The following ASAP3 variants were observed in gnomAD, a reference collection of about 807,000 sequenced individuals.
ASAP3 encodes arf-GAP with SH3 domain, ANK repeat and PH domain-containing protein 3.
Under a neutral mutation model 118.2 loss-of-function variants are expected in ASAP3, and 85 were observed. The observed-to-expected ratio is 0.72, with a 90% CI of 0.60 to 0.86. The LOEUF is 0.86. ASAP3 is among the 40% of genes least tolerant of loss of function. The probability of loss-of-function intolerance (pLI) is 0.00; values close to 1 mark genes in which losing one functional copy is unlikely to be tolerated. For synonymous variants in ASAP3, 432 were observed against 477.4 expected (o/e 0.90, Z 1.24); for missense variants, 1,026 against 1,175.0 (o/e 0.87, Z 1.85).
Position 23,442,192 on chromosome 1 carries a change from T to C in ASAP3, c.665A>G (p.Gln222Arg), listed in dbSNP as rs867873164. Reference protein sequence around the residue: ...LQSLIKFFHAQHNFFQDGWKA... With the variant: ...LQSLIKFFHARHNFFQDGWKA... ...GACGCGGGAAGATACCTACTTGTGC[T>C]GGGCGTGGAAGAACTTGATGAGGCT... The change falls in exon 7 of 25, where the codon CAG (glutamine) becomes CGG (arginine). Residue 222 changes from glutamine (Q) to arginine (R), a missense_variant. Coordinates refer to ENST00000336689, the MANE Select transcript of ASAP3 (RefSeq NM_017707.4). 3.8e-6 allele frequency: 6 copies of C among 1,599,838 alleles called. No homozygotes were observed. The highest frequency in any genetic ancestry group is 5.1e-6 in the Non-Finnish European group (6 of 1,174,128).
At position 23,484,049 on chromosome 1, in the gene ASAP3, C is replaced by T; in HGVS notation, c.85G>A (p.Ala29Thr). ...GCCCCTCGGTACCGGGGCATCTTGG[C>T]GGCGAAGGCGGCGGCCCCAGCCGGG... ...SSPAGAAAFAAKMPRYRGAAL... is the reference protein window; with the variant it reads ...SSPAGAAAFATKMPRYRGAAL... The change falls in exon 1 of 25, where the codon GCC (alanine) becomes ACC (threonine). Residue 29 changes from alanine to threonine, a missense_variant. Physicochemically the swap from Ala to Thr is moderately conservative, Grantham distance 58. Coordinates refer to ENST00000336689, the MANE Select transcript of ASAP3 (RefSeq NM_017707.4). 7.4e-7 allele frequency: 1 copy of T among 1,345,288 alleles called. No homozygotes were observed. Among genetic ancestry groups the T allele is most frequent in the South Asian group, 1.9e-5 (1 of 53,578 alleles). 83.3% of individuals were successfully genotyped at this position (1,345,288 alleles called of 1,614,324 possible).
At chr1:23,446,659 A>T (rs1301190820) in intron 5 of ASAP3, among the ~76,000 whole-genome samples, 1 of 152,082 alleles carries the variant, frequency 6.6e-6, no homozygotes, top group African/African-American at 2.4e-5. Context: ...GCTGGTCTCG[A>T]ACTCCTGACC....
chr1:23,466,050 G>A (rs542411179), intron 1 of ASAP3, among the ~76,000 whole-genome samples: 3 of 152,300 alleles, frequency 2.0e-5, no homozygotes, highest in Admixed American at 2.0e-4. Flanking sequence ...GCAATGGTGA[G>A]GCCCCGAATA....
At chr1:23,469,293 G>A (rs144901544) in intron 1 of ASAP3, among the ~76,000 whole-genome samples, 1,901 of 152,224 alleles carry the variant, frequency 0.012, 39 homozygotes, top group African/African-American at 0.042. Context: ...GCAACAGAGC[G>A]AGACCCTATC....
At chr1:23,455,740 G>A in intron 3 of ASAP3, 141 bp downstream of exon 3, 1 of 1,049,174 alleles carries the variant, frequency 9.5e-7, no homozygotes, top group South Asian at 1.5e-5. Flanking sequence ...GGTCAGGGCT[G>A]GAAAGGGACC....
At position 23,455,908 on chromosome 1, in the gene ASAP3, G is replaced by A. The variant is rs371567363; in HGVS notation, c.321C>T (p.Arg107=). ...TGFLNLAVFT[R]EVAALFKNLI... ...GGTTCTTGAAGAGCGCAGCAACCTC[G>A]CGGGTGAACACGGCCAAGTTTAGGA... is the stretch of plus-strand genomic sequence containing the variant. Residue 107 remains arginine, a synonymous_variant, in exon 3 of 25, where the codon CGC becomes CGT. Coordinates refer to ENST00000336689, the MANE Select transcript of ASAP3 (RefSeq NM_017707.4). 1.7e-5 allele frequency: 28 copies of A among 1,614,034 alleles called. No individual in the cohort carries two copies. The highest frequency in any genetic ancestry group is 1.5e-5 in the Non-Finnish European group (18 of 1,180,036).
intron 1 of ASAP3, among the ~76,000 whole-genome samples, chr1:23,462,413 C>A (rs1241847790): frequency 6.6e-6 from 1 of 152,026 alleles, no homozygotes; most frequent in Non-Finnish European, 1.5e-5. Context: ...CTCTTGGCAG[C>A]CAAGTTCACA....
intron 1 of ASAP3, among the ~76,000 whole-genome samples, chr1:23,480,641 A>C (rs773670761): frequency 6.6e-6 from 1 of 152,178 alleles, no homozygotes; most frequent in Non-Finnish European, 1.5e-5. Context: ...CAGCAAATCA[A>C]AGTAGCATCT....
intron 1 of ASAP3, among the ~76,000 whole-genome samples, chr1:23,456,802 G>A (rs190627465): frequency 2.0e-5 from 3 of 152,300 alleles, no homozygotes; most frequent in Admixed American, 2.0e-4. Context: ...TGAGCAGAGA[G>A]GGGTTGGAGG....
At position 23,433,765 on chromosome 1, in the gene ASAP3, C is replaced by T. The variant is rs1640534139; in HGVS notation, c.1952-72G>A. 6 of 1,592,138 alleles carry T rather than the reference C, an allele frequency of 3.8e-6. No individual in the cohort carries two copies. The South Asian group carries it at 6.7e-5, about 18-fold the overall frequency. ...TTACAGCTTAGAGATTAAGACGGGC[C>T]TCTGGAATCAGAATGTATGGGTTTG... is the stretch of plus-strand genomic sequence containing the variant. On this transcript the variant is annotated intron_variant, in intron 19 of 24. Coordinates refer to ENST00000336689, the MANE Select transcript of ASAP3 (RefSeq NM_017707.4).
Position 23,441,211 on chromosome 1 carries a change from C to G in ASAP3, c.835G>C (p.Glu279Gln). The G allele has an allele frequency of 6.2e-7, 1 of 1,614,184 alleles. No individual in the cohort carries two copies. The highest frequency in any genetic ancestry group is 2.2e-5 in the East Asian group (1 of 44,868). ...RGTLQLESRE[E>Q]HLSRKNSGCG... The stretch of plus-strand genomic sequence containing the variant: ...CCTGAGTTCTTCCGGCTCAGGTGTT[C>G]CTGTCCCTCGGACATGCAAAGGAGA... The change falls in exon 10 of 25, where the codon GAA becomes CAA. Residue 279 changes from glutamate (E) to glutamine (Q), a missense_variant and splice_region_variant. Transcript: ENST00000336689.
rs570569021 is a variant in ASAP3, at chr1:23,482,339, T to A, written c.129+1666A>T. Among the ~76,000 whole-genome samples the A allele has an allele frequency of 3.3e-3, 501 of 152,254 alleles. 5 individuals carry two copies. Among genetic ancestry groups the A allele is most frequent in the Non-Finnish European group, 5.6e-3 (380 of 68,000 alleles). On this transcript the variant is annotated intron_variant, in intron 1 of 24. Coordinates refer to ENST00000336689, the MANE Select transcript of ASAP3 (RefSeq NM_017707.4). ...GAGTTCAAGAACAGCCTGACCAACA[T>A]GGTGAAACCCTGTCTCTACTAAAAA... is the stretch of plus-strand genomic sequence containing the variant.
At chr1:23,483,966 G>A (rs1642400560) in intron 1 of ASAP3, 39 bp downstream of exon 1, 3 of 1,251,072 alleles carry the variant, frequency 2.4e-6, no homozygotes, top group Non-Finnish European at 3.0e-6. Flanking sequence ...GGCCAGGCCC[G>A]GCGCCGACCC....
intron 1 of ASAP3, among the ~76,000 whole-genome samples, chr1:23,465,485 CTTTT>C (rs1029077277): frequency 3.3e-5 from 5 of 152,014 alleles, no homozygotes; most frequent in African/African-American, 7.2e-5. Flanking sequence ...AGAGCTGTAA[CTTTT>C]TTTCTTTTTT....
intron 3 of ASAP3, 33 bp from the exon 4 acceptor site, chr1:23,452,804 A>G: frequency 6.2e-7 from 1 of 1,605,932 alleles, no homozygotes; most frequent in African/African-American, 1.3e-5. Context: ...TTCCCGCCTC[A>G]GGTGACCGGC....
At chr1:23,483,865 G>T in intron 1 of ASAP3, 140 bp downstream of exon 1, 1 of 951,170 alleles carries the variant, frequency 1.1e-6, no homozygotes, top group Non-Finnish European at 1.4e-6. Flanking sequence ...TTGGAGATGC[G>T]CTCGGTCCTC....
chr1:23,447,342 CTGTTT>C (rs1641079418), intron 5 of ASAP3, among the ~76,000 whole-genome samples: 1 of 152,164 alleles, frequency 6.6e-6, no homozygotes, highest in African/African-American at 2.4e-5. Context: ...CTACTATGTT[CTGTTT>C]TATTACTATT....
At chr1:23,478,142 C>T (rs1642192204) in intron 1 of ASAP3, among the ~76,000 whole-genome samples, 1 of 152,232 alleles carries the variant, frequency 6.6e-6, no homozygotes, top group African/African-American at 2.4e-5. Flanking sequence ...TCTTGCTGCA[C>T]CCCCTTAGCA....
chr1:23,439,862 T>G (rs1309010885), intron 10 of ASAP3, among the ~76,000 whole-genome samples: 1 of 152,208 alleles, frequency 6.6e-6, no homozygotes, highest in Non-Finnish European at 1.5e-5. Flanking sequence ...TCACCCAGGC[T>G]GGAATACAGT....
Sources: gnomAD v4.1 joint callset for allele counts (sites outside exome capture counted in the v4.1 genomes callset) on GRCh38, gnomAD v4.1.1 for gene constraint, MANE v1.5 for transcripts, NCBI Gene and HGNC (gene_info 2026-07-23, HGNC 2026-07-21) for gene names.